SPTBN2: variants seen among roughly 807,000 people sequenced by gnomAD.
The protein encoded by SPTBN2 is spectrin beta chain, non-erythrocytic 2.
Under a neutral mutation model 284.2 loss-of-function variants are expected in SPTBN2, and 107 were observed. The observed-to-expected ratio is 0.38, with a 90% CI of 0.32 to 0.44. The LOEUF is 0.44. Ranked by LOEUF, SPTBN2 falls within the 20% of genes least tolerant of loss-of-function variation. SPTBN2 has a pLI of 1.00. For synonymous variants in SPTBN2, 1,289 were observed against 1,354.8 expected, an observed-to-expected ratio of 0.95 and a Z score of 1.07; for missense variants, 2,569 against 3,287.1, an observed-to-expected ratio of 0.78 and a Z score of 5.34.
chr11:66,709,176 ACAT>A (rs1232853862), intron 10 of SPTBN2, among the ~76,000 whole-genome samples, 157 bp from the exon 11 acceptor site: 1 of 151,716 alleles, frequency 6.6e-6, no homozygotes, highest in African/African-American at 2.4e-5. Context: ...AACCAAAAGA[ACAT>A]CATTTTATTT....
intron 3 of SPTBN2, 150 bp from the exon 4 acceptor site, chr11:66,716,131 G>A (rs1942134660): frequency 9.7e-7 from 1 of 1,029,852 alleles, no homozygotes; most frequent in East Asian, 2.6e-5. Context: ...TGACCGGGAG[G>A]AAAGCCCGTA....
chr11:66,701,403 T>G (rs1291021596), intron 16 of SPTBN2, 121 bp from the exon 17 acceptor site: 4 of 1,515,444 alleles, frequency 2.6e-6, no homozygotes, highest in Non-Finnish European at 3.6e-6. Flanking sequence ...AGCAGCCGCT[T>G]CAGACCACCT....
rs1940036803 is a variant in SPTBN2 at position 66,685,340 on chromosome 11, C to G, written c.*531G>C. On this transcript the variant is annotated 3_prime_UTR_variant, in exon 38 of 38. Coordinates refer to ENST00000533211, the MANE Select transcript of SPTBN2 (RefSeq NM_006946.4). This position sits in a 1 kb window ranked among gnomAD's most constrained non-coding sequence, Gnocchi z 4.4. The stretch of plus-strand genomic sequence containing the variant: ...CACACCTGGAAGCCATTGAGAGCAG[C>G]TGGAGATGGAGTGGCAGCTGGAGTT... The G allele has an allele frequency of 6.6e-6, 1 of 151,828 alleles. No individual in the cohort carries two copies. The highest frequency in any genetic ancestry group is 1.3e-5 in the Non-Finnish European group (1 of 77,888). The allele number at this position is 151,828 out of a possible 1,614,324, so 9.4% of individuals were successfully genotyped here. A position where few individuals can be genotyped will look rare whatever the true frequency, so the allele number is the denominator to read the frequency against.
chr11:66,708,056 C>T lies in SPTBN2; in HGVS notation c.1350+85G>A. 6.3e-7 allele frequency: 1 copy of T among 1,592,968 alleles called. No homozygotes were observed. Among genetic ancestry groups the T allele is most frequent in the Non-Finnish European group, 8.6e-7 (1 of 1,163,588 alleles). ...GGTGACGGATTTTGTGTTTCATTGTCTCTCCACCCCGCGGGGCTTCTTATC... is the reference window on the plus strand; with the variant it reads ...GGTGACGGATTTTGTGTTTCATTGTTTCTCCACCCCGCGGGGCTTCTTATC... On this transcript the variant is annotated intron_variant, in intron 12 of 37. Coordinates refer to ENST00000533211, the MANE Select transcript of SPTBN2 (RefSeq NM_006946.4). The surrounding 1 kb of genome is among the most constrained non-coding windows in gnomAD (Gnocchi z 4.4).
Position 66,687,844 on chromosome 11 carries a change from C to T in SPTBN2, c.6501+24G>A, listed in dbSNP as rs2135304979. 1 of 1,614,080 alleles carries T rather than the reference C, an allele frequency of 6.2e-7. No homozygotes were observed. ...GGACCCTTCGCCTCACAGTTATCAA[C>T]ACCACACTTGCAGGGGAACTCACCG... On this transcript the variant is annotated intron_variant, in intron 34 of 37. Coordinates refer to ENST00000533211, the MANE Select transcript of SPTBN2 (RefSeq NM_006946.4). This position sits in a 1 kb window ranked among gnomAD's most constrained non-coding sequence, Gnocchi z 5.2.
At chr11:66,740,113 TA>T (rs1942886000) in intron 1 of SPTBN2, among the ~76,000 whole-genome samples, 1 of 152,016 alleles carries the variant, frequency 6.6e-6, no homozygotes, top group Non-Finnish European at 1.5e-5. Context: ...AATTGGACAA[TA>T]ATAGGAAAGG....
intron 27 of SPTBN2, 32 bp from the exon 28 acceptor site, chr11:66,690,315 CG>C: frequency 6.4e-7 from 1 of 1,564,654 alleles, no homozygotes. Flanking sequence ...TCAGGCAGAG[CG>C]GGGGACTCCA....
At chr11:66,688,423 A>G in intron 31 of SPTBN2, 112 bp from the exon 32 acceptor site, 2 of 1,534,872 alleles carry the variant, frequency 1.3e-6, no homozygotes, top group Non-Finnish European at 1.7e-6. Flanking sequence ...ATAAGAGGAG[A>G]ACAGAATTTG....
Position 66,689,826 on chromosome 11 carries a change from C to T in SPTBN2, c.5928G>A (p.Arg1976=). ...CIDMGKELLA[R]SHYAAEEISE... ...CCACCTCCTCGGCCGCATAGTGGCTCCTGGCCAGCAGCTCCTTCCCCATGT... is the reference window on the plus strand; with the variant it reads ...CCACCTCCTCGGCCGCATAGTGGCTTCTGGCCAGCAGCTCCTTCCCCATGT... The change falls in exon 29 of 38, where the codon AGG becomes AGA. Residue 1976 remains arginine, a synonymous_variant. Transcript: ENST00000533211. The T allele has an allele frequency of 6.2e-7, 1 of 1,614,034 alleles. No individual in the cohort carries two copies. Among genetic ancestry groups the T allele is most frequent in the Non-Finnish European group, 8.5e-7 (1 of 1,180,044 alleles).
chr11:66,692,409 G>T (rs1212508673), intron 26 of SPTBN2, 127 bp downstream of exon 26: 2 of 1,105,332 alleles, frequency 1.8e-6, no homozygotes, highest in Non-Finnish European at 2.7e-6. Context: ...CAGGAGGACA[G>T]TGCCTGCTCA....
intron 29 of SPTBN2, 31 bp downstream of exon 29, chr11:66,689,774 A>G: frequency 6.2e-7 from 1 of 1,611,566 alleles, no homozygotes; most frequent in Non-Finnish European, 8.5e-7. Context: ...CTGCACAGTG[A>G]GAATGGCCCG....
At chr11:66,740,027 C>T (rs906016111) in intron 1 of SPTBN2, among the ~76,000 whole-genome samples, 2 of 152,050 alleles carry the variant, frequency 1.3e-5, no homozygotes, top group African/African-American at 4.8e-5. Context: ...AACAAAACTC[C>T]TTCAAAAAAA....
chr11:66,743,256 C>CT (rs1942913688), intron 1 of SPTBN2, among the ~76,000 whole-genome samples: 1 of 152,186 alleles, frequency 6.6e-6, no homozygotes, highest in Admixed American at 6.6e-5. Flanking sequence ...TCCAATAGGT[C>CT]TACCTGTGAG....
intron 20 of SPTBN2, among the ~76,000 whole-genome samples, chr11:66,697,590 C>A (rs892530441): frequency 3.3e-5 from 5 of 152,172 alleles, no homozygotes; most frequent in African/African-American, 1.2e-4. Context: ...CTGGAAACAT[C>A]TTTTCCTCCA....
At position 66,696,547 on chromosome 11, in the gene SPTBN2, G is replaced by C. The variant is rs1940924540; in HGVS notation, c.4015-7C>G. 6.2e-7 allele frequency: 1 copy of C among 1,610,274 alleles called. No individual in the cohort carries two copies. The highest frequency in any genetic ancestry group is 1.3e-5 in the African/African-American group (1 of 74,924). ...GGGTGAGCTCTCGCCCTTCCTGGAA[G>C]GCAGGACAGAAAATGTCAAAGTGCC... On this transcript the variant is annotated splice_region_variant and splice_polypyrimidine_tract_variant and intron_variant, in intron 20 of 37. Coordinates refer to ENST00000533211, the MANE Select transcript of SPTBN2 (RefSeq NM_006946.4).
At chr11:66,703,143 C>A (rs1459141940) in intron 15 of SPTBN2, among the ~76,000 whole-genome samples, 1 of 151,568 alleles carries the variant, frequency 6.6e-6, no homozygotes, top group Non-Finnish European at 1.5e-5. Flanking sequence ...TGCAGTGGCA[C>A]GATCTCAGCT....
chr11:66,733,264 G>A (rs1414885226), upstream of SPTBN2, among the ~76,000 whole-genome samples: 1 of 152,154 alleles, frequency 6.6e-6, no homozygotes, highest in Non-Finnish European at 1.5e-5. Flanking sequence ...AGTTGCTATG[G>A]AGGGGTGCAA....
rs1051536154 is a variant in SPTBN2, at chr11:66,705,666, C to A, written c.1807+18G>T. ...CTTCCCAGCCCCTCCCTCTCCAGTGCCTTCGCTGACTTCTCACCTTTCCCT... is the reference window on the plus strand; with the variant it reads ...CTTCCCAGCCCCTCCCTCTCCAGTGACTTCGCTGACTTCTCACCTTTCCCT... On this transcript the variant is annotated intron_variant, in intron 14 of 37. Coordinates refer to ENST00000533211, the MANE Select transcript of SPTBN2 (RefSeq NM_006946.4). 8.1e-6 allele frequency: 13 copies of A among 1,609,716 alleles called. No homozygotes were observed. The Admixed American group carries it at 1.8e-4, about 23-fold the overall frequency.
intron 15 of SPTBN2, among the ~76,000 whole-genome samples, chr11:66,702,958 A>C (rs1411912561): frequency 2.6e-5 from 4 of 151,334 alleles, no homozygotes; most frequent in African/African-American, 4.8e-5. Context: ...AAAAAAAAAA[A>C]AACCAAAAAA....
Sources: gnomAD v4.1 joint callset for allele counts (sites outside exome capture counted in the v4.1 genomes callset) on GRCh38, gnomAD v4.1.1 for gene constraint, Gnocchi (gnomAD v3.1) non-coding constraint, MANE v1.5 for transcripts, NCBI Gene and HGNC (gene_info 2026-07-23, HGNC 2026-07-21) for gene names.